WDR43: variants seen among roughly 807,000 people sequenced by gnomAD.
WDR43 encodes WD repeat domain 43.
WDR43 carries 13 observed loss-of-function variants against 91.4 expected under a neutral mutation model. The observed-to-expected ratio is 0.14, with a 90% CI of 0.09 to 0.23. WDR43 has a LOEUF of 0.23. Among genes scored for constraint, WDR43 ranks in the 10% least tolerant of loss-of-function variants. The pLI, the probability that WDR43 is intolerant of heterozygous loss-of-function variation, is 1.00. For synonymous variants in WDR43, 331 were observed against 287.9 expected, an observed-to-expected ratio of 1.15 and a Z score of -1.51; for missense variants, 780 against 809.4, an observed-to-expected ratio of 0.96 and a Z score of 0.44.
intron 3 of WDR43, among the ~76,000 whole-genome samples, chr2:28,909,066 T>G (rs944474385): frequency 5.9e-5 from 9 of 152,178 alleles, no homozygotes; most frequent in South Asian, 4.1e-4. Context: ...GTCAGTCAAT[T>G]TTATTCATTT....
chr2:28,908,266 CATT>C (rs951430337), intron 3 of WDR43, among the ~76,000 whole-genome samples: 1 of 152,104 alleles, frequency 6.6e-6, no homozygotes, highest in African/African-American at 2.4e-5. Flanking sequence ...TTTGAAATAA[CATT>C]ATGTGAAAGA....
In WDR43 at chr2:28,925,095, A is replaced by G; in HGVS notation, c.1028A>G (p.Asp343Gly). ...IPILAAGFCS[D>G]KMSLLLVYGS... ...ATTCTAGCTGCTGGTTTTTGCTCAG[A>G]CAAAATGTCATTGTTGCTTGTATAT... is the stretch of plus-strand genomic sequence containing the variant. The change falls in exon 8 of 18, where the codon GAC becomes GGC. Residue 343 changes from aspartate (D) to glycine (G), a missense_variant. Asp to Gly is a moderately conservative substitution (Grantham distance 94). Coordinates refer to ENST00000407426, the MANE Select transcript of WDR43 (RefSeq NM_015131.3). 2 of 1,613,946 alleles carry G rather than the reference A, an allele frequency of 1.2e-6. No homozygotes were observed. Among genetic ancestry groups the G allele is most frequent in the East Asian group, 2.2e-5 (1 of 44,878 alleles).
chr2:28,922,854 A>G lies in WDR43; in HGVS notation c.850-65A>G, dbSNP rs1405625553. On this transcript the variant is annotated intron_variant, in intron 6 of 17. Coordinates refer to ENST00000407426, the MANE Select transcript of WDR43 (RefSeq NM_015131.3). Reference sequence around the variant, plus strand: ...GGGTGGGAAGGACAGCTGAGTTTTCATAAGGTAGATTGGGGACTGGAGTAT... The same window carrying G: ...GGGTGGGAAGGACAGCTGAGTTTTCGTAAGGTAGATTGGGGACTGGAGTAT... The G allele has an allele frequency of 8.1e-6, 10 of 1,236,462 alleles. No homozygotes were observed. In the South Asian group the frequency reaches 1.1e-4, roughly 13 times the overall value. The allele number at this position is 1,236,462 out of a possible 1,614,324, so 76.6% of individuals were successfully genotyped here.
chr2:28,914,726 C>G (rs141985181), intron 5 of WDR43, among the ~76,000 whole-genome samples: 47 of 152,100 alleles, frequency 3.1e-4, no homozygotes, highest in African/African-American at 1.1e-3. Context: ...GTGAAGAGAT[C>G]GAGATCATCC....
intron 12 of WDR43, 123 bp from the exon 13 acceptor site, chr2:28,936,799 T>C (rs377024570): frequency 1.2e-6 from 1 of 866,600 alleles, no homozygotes; most frequent in Non-Finnish European, 1.9e-6. Context: ...GACTGTATTA[T>C]GCGGTTTAAA....
At chr2:28,895,311 CTCTG>C (rs1670456586) in intron 1 of WDR43, 2 of 179,348 alleles carry the variant, frequency 1.1e-5, no homozygotes, top group South Asian at 1.9e-4. Flanking sequence ...TCTAACTTTC[CTCTG>C]TCTGTGATCC....
chr2:28,903,896 CT>C (rs1203735063), intron 2 of WDR43, among the ~76,000 whole-genome samples: 2 of 152,164 alleles, frequency 1.3e-5, no homozygotes, highest in Non-Finnish European at 2.9e-5. Context: ...CCTCTGCCTC[CT>C]GGGTTCAAGT....
At chr2:28,945,338 C>T (rs543152668) in intron 16 of WDR43, among the ~76,000 whole-genome samples, 4 of 152,334 alleles carry the variant, frequency 2.6e-5, no homozygotes, top group African/African-American at 9.6e-5. Flanking sequence ...TCATCTTTCT[C>T]CAGTTATCCG....
chr2:28,944,197 A>G (rs1310707234), intron 16 of WDR43, among the ~76,000 whole-genome samples: 1 of 152,248 alleles, frequency 6.6e-6, no homozygotes, highest in African/African-American at 2.4e-5. Flanking sequence ...GTGCCATTCT[A>G]CTTAGTAGAA....
intron 4 of WDR43, among the ~76,000 whole-genome samples, chr2:28,913,095 A>G (rs1670839023): frequency 6.6e-6 from 1 of 151,490 alleles, no homozygotes; most frequent in African/African-American, 2.4e-5. Context: ...CTGGGACTAC[A>G]GGCGCCCGCC....
intron 11 of WDR43, among the ~76,000 whole-genome samples, chr2:28,931,780 A>C (rs1423785662): frequency 2.6e-5 from 4 of 152,198 alleles, no homozygotes; most frequent in African/African-American, 9.6e-5. Context: ...TAGGTTACTT[A>C]GGTAGAAATA....
intron 13 of WDR43, among the ~76,000 whole-genome samples, chr2:28,937,601 G>T (rs540718439): frequency 9.9e-5 from 15 of 152,184 alleles, no homozygotes; most frequent in African/African-American, 3.1e-4. Flanking sequence ...TGCAAAACCA[G>T]TCGAACTCAA....
In WDR43 at chr2:28,906,579, G is replaced by C. The variant is rs1486106968; in HGVS notation, c.483G>C (p.Lys161Asn). The change falls in exon 3 of 18, where the codon AAG becomes AAC. Residue 161 changes from lysine (K) to asparagine (N), a missense_variant and splice_region_variant. Physicochemically the swap from Lys to Asn is moderately conservative, Grantham distance 94. This residue lies in a region of WDR43 where 174 missense variants were observed against 207.3 expected (regional missense o/e 0.84). Transcript: ENST00000407426. ...GGAACGTACAGACATGCAAAGTAAA[G>C]TGGTGAGTAACATTCATGGTATCAG... ...VEWNVQTCKV[K>N]CKWKGDNSSV... 6.2e-7 allele frequency: 1 copy of C among 1,611,204 alleles called. No homozygotes were observed. Among genetic ancestry groups the C allele is most frequent in the African/African-American group, 1.3e-5 (1 of 74,796 alleles).
At chr2:28,899,557 T>C (rs1226961989) in intron 1 of WDR43, among the ~76,000 whole-genome samples, 1 of 152,194 alleles carries the variant, frequency 6.6e-6, no homozygotes. Flanking sequence ...TGTGGATGCT[T>C]TTAAATGCCA....
At chr2:28,931,056 C>T (rs1277296239) in intron 11 of WDR43, among the ~76,000 whole-genome samples, 1 of 150,528 alleles carries the variant, frequency 6.6e-6, no homozygotes, top group Non-Finnish European at 1.5e-5. Context: ...CTGATTGTCT[C>T]AAACTTTTTT....
intron 14 of WDR43, among the ~76,000 whole-genome samples, chr2:28,941,258 T>G (rs1327104263): frequency 1.3e-5 from 2 of 152,200 alleles, no homozygotes; most frequent in Non-Finnish European, 2.9e-5. Flanking sequence ...AGCCTATTAT[T>G]TTTTCCTCCT....
rs567032292 is a variant in WDR43 at position 28,894,713 on chromosome 2, C to A, written c.15C>A (p.Gly5=). ...CCAGAGCAGCAATGGCGGCGGGCGG[C>A]GGCGGTAGCTGCGACCCCCTGGCCC... is the stretch of plus-strand genomic sequence containing the variant. MAAG[G]GGSCDPLAPA... Residue 5 remains glycine, a synonymous_variant, in exon 1 of 18, where the codon GGC becomes GGA. Coordinates refer to ENST00000407426, the MANE Select transcript of WDR43 (RefSeq NM_015131.3). The A allele has an allele frequency of 6.4e-7, 1 of 1,560,230 alleles. No individual in the cohort carries two copies. The highest frequency in any genetic ancestry group is 8.7e-7 in the Non-Finnish European group (1 of 1,153,510).
chr2:28,894,998 G>T (rs1670448056), intron 1 of WDR43, 75 bp downstream of exon 1: 10 of 1,371,400 alleles, frequency 7.3e-6, no homozygotes, highest in Non-Finnish European at 9.5e-6. Context: ...GGTGGCGCGT[G>T]GTCCGGCATC....
At chr2:28,920,519 C>G (rs1376312696) in intron 6 of WDR43, among the ~76,000 whole-genome samples, 1 of 151,804 alleles carries the variant, frequency 6.6e-6, no homozygotes, top group African/African-American at 2.4e-5. Context: ...TAAGCCACCC[C>G]ACTCAACCAA....
Sources: gnomAD v4.1 joint callset for allele counts (sites outside exome capture counted in the v4.1 genomes callset) on GRCh38, gnomAD v4.1.1 for gene constraint, gnomAD v4.1.1 regional missense constraint, MANE v1.5 for transcripts, NCBI Gene and HGNC (gene_info 2026-07-23, HGNC 2026-07-21) for gene names.